The following VIPR2 variants were observed in gnomAD, a reference collection of about 807,000 sequenced individuals.
The protein encoded by VIPR2 is vasoactive intestinal peptide receptor 2.
Under a neutral mutation model 58.0 loss-of-function variants are expected in VIPR2, and 48 were observed. The observed-to-expected ratio is 0.83, with a 90% confidence interval of 0.66 to 1.05. VIPR2 has a LOEUF of 1.05. VIPR2 is among the 50% of genes least tolerant of loss of function. The probability of loss-of-function intolerance (pLI) is 0.00; values close to 1 mark genes in which losing one functional copy is unlikely to be tolerated. For missense variants in VIPR2, 534 were observed against 558.0 expected, an observed-to-expected ratio of 0.96 and a Z score of 0.43; for synonymous variants, 243 against 235.2, an observed-to-expected ratio of 1.03 and a Z score of -0.30.
intron 4 of VIPR2, among the ~76,000 whole-genome samples, chr7:159,063,172 T>C (rs115410048): frequency 0.2 from 29,964 of 151,998 alleles, 3,089 homozygotes; most frequent in African/African-American, 0.25. Context: ...TGGGACCAGG[T>C]GCCGCGGAGC....
chr7:159,109,788 A>G (rs550591070), intron 3 of VIPR2, 24 bp downstream of exon 3: 35 of 1,609,354 alleles, frequency 2.2e-5, no homozygotes, highest in South Asian at 3.3e-5. Context: ...GGAGGAGCTC[A>G]GGAACTCAAC....
At chr7:159,106,174 G>C (rs1246617304) in intron 3 of VIPR2, among the ~76,000 whole-genome samples, 1 of 152,264 alleles carries the variant, frequency 6.6e-6, no homozygotes, top group African/African-American at 2.4e-5. Flanking sequence ...CTCATCCTCT[G>C]CGAGGTGCAG....
intron 3 of VIPR2, among the ~76,000 whole-genome samples, chr7:159,106,528 G>T (rs1858667263): frequency 1.3e-5 from 2 of 149,102 alleles, no homozygotes; most frequent in South Asian, 2.2e-4. Context: ...GGGGCAGAGA[G>T]AGGCCAAGGA....
At chr7:159,134,668 T>C (rs2129497806) in intron 2 of VIPR2, among the ~76,000 whole-genome samples, 1 of 152,254 alleles carries the variant, frequency 6.6e-6, no homozygotes, top group Middle Eastern at 3.4e-3. Context: ...TCTTTCTTTT[T>C]TTTTTTTGAG....
chr7:159,115,973 G>C (rs1796222164), intron 2 of VIPR2, among the ~76,000 whole-genome samples: 1 of 152,236 alleles, frequency 6.6e-6, no homozygotes, highest in African/African-American at 2.4e-5. Flanking sequence ...ATTTGTTTGT[G>C]AACAGCAAGG....
intron 5 of VIPR2, among the ~76,000 whole-genome samples, chr7:159,045,566 A>G (rs974492944): frequency 6.6e-6 from 1 of 152,220 alleles, no homozygotes; most frequent in African/African-American, 2.4e-5. Flanking sequence ...ACAGCATATT[A>G]AAAATTACTC....
Position 159,092,130 on chromosome 7 carries a change from C to T in VIPR2, c.357+11627G>A, listed in dbSNP as rs1181259747. Among the ~76,000 whole-genome samples, 5 of 152,364 alleles carry T rather than the reference C, an allele frequency of 3.3e-5. No individual in the cohort carries two copies. The East Asian group carries it at 7.7e-4, about 24-fold the overall frequency. On this transcript the variant is annotated intron_variant, in intron 4 of 12. Transcript: ENST00000262178. ...CAGGGCTTTCCTGTGAAGACAGAGT[C>T]AGAGGCTGACGTGAGGGCTTCCCAC...
chr7:159,038,249 G>A (rs1353336609), intron 6 of VIPR2, among the ~76,000 whole-genome samples: 1 of 152,154 alleles, frequency 6.6e-6, no homozygotes, highest in African/African-American at 2.4e-5. Flanking sequence ...GACCTCCCCA[G>A]TGCTCTGGAT....
chr7:159,050,983 C>T (rs1433536981), intron 5 of VIPR2, among the ~76,000 whole-genome samples: 1 of 152,100 alleles, frequency 6.6e-6, no homozygotes, highest in Non-Finnish European at 1.5e-5. Context: ...AAATAACTGC[C>T]AACAGAATTC....
At chr7:159,122,690 C>G (rs1289690845) in intron 2 of VIPR2, among the ~76,000 whole-genome samples, 2 of 150,684 alleles carry the variant, frequency 1.3e-5, no homozygotes, top group Admixed American at 1.3e-4. Context: ...AGGTTTCCAT[C>G]TGAGCTCTAA....
Position 159,103,837 on chromosome 7 carries a change from A to G in VIPR2, c.277T>C (p.Cys93Arg), listed in dbSNP as rs780997771. 6.2e-6 allele frequency: 10 copies of G among 1,614,110 alleles called. No homozygotes were observed. The highest frequency in any genetic ancestry group is 1.3e-5 in the African/African-American group (1 of 75,024). Residue 93 changes from cysteine to arginine, a missense_variant, in exon 4 of 13, where the codon TGT becomes CGT. Cys to Arg is a radical substitution (Grantham distance 180). Transcript: ENST00000262178. Reference protein sequence around the residue: ...YSKAGNISKNCTSDGWSETFP... With the variant: ...YSKAGNISKNRTSDGWSETFP... ...GTCTCTGACCATCCGTCACTCGTAC[A>G]GTTTTTGCTTATGTTTCCTGGAAAG...
chr7:159,033,485 T>C (rs1470973723), intron 10 of VIPR2, among the ~76,000 whole-genome samples: 2 of 152,176 alleles, frequency 1.3e-5, no homozygotes, highest in Non-Finnish European at 2.9e-5. Flanking sequence ...TTTTTACCTT[T>C]TTAAAAAAAA....
In VIPR2 at chr7:159,119,523, G is replaced by A. The variant is rs559902836; in HGVS notation, c.152-9604C>T. 6.9e-4 allele frequency among the ~76,000 whole-genome samples: 105 copies of A among 152,324 alleles called. 1 individual carries two copies. Among genetic ancestry groups the A allele is most frequent in the African/African-American group, 2.3e-3 (95 of 41,576 alleles). On this transcript the variant is annotated intron_variant, in intron 2 of 12. Coordinates refer to ENST00000262178, the MANE Select transcript of VIPR2 (RefSeq NM_003382.5). ...TGCTGCACGGGGGAGTGGAGGCAGC[G>A]GTGCGAGGCAGAGGCCGAGGCAAAC...
intron 6 of VIPR2, among the ~76,000 whole-genome samples, chr7:159,037,234 C>A (rs550659999): frequency 1.4e-4 from 21 of 152,388 alleles, no homozygotes; most frequent in Admixed American, 1.2e-3. Context: ...AGCTCCTCCC[C>A]TCGGCTACTC....
In VIPR2 at chr7:159,030,376, A is replaced by C. The variant is rs1853466568; in HGVS notation, c.*240T>G. The C allele has an allele frequency of 4.6e-6, 2 of 435,642 alleles. No individual in the cohort carries two copies. The highest frequency in any genetic ancestry group is 7.9e-6 in the Non-Finnish European group (2 of 253,620). The allele number at this position is 435,642 out of a possible 1,614,324, so 27.0% of individuals were successfully genotyped here. A position where few individuals can be genotyped will look rare whatever the true frequency, so the allele number is the denominator to read the frequency against. On this transcript the variant is annotated 3_prime_UTR_variant, in exon 13 of 13. Coordinates refer to ENST00000262178, the MANE Select transcript of VIPR2 (RefSeq NM_003382.5). Reference sequence around the variant, plus strand: ...AAAAAAAAAAAAAAGTGGATCCACTATACGGCTGAAACACATTTTGCACAA... The same window carrying C: ...AAAAAAAAAAAAAAGTGGATCCACTCTACGGCTGAAACACATTTTGCACAA...
At chr7:159,087,881 A>G (rs1857273121) in intron 4 of VIPR2, among the ~76,000 whole-genome samples, 1 of 152,196 alleles carries the variant, frequency 6.6e-6, no homozygotes, top group African/African-American at 2.4e-5. Flanking sequence ...CAGGACTCGG[A>G]TAGTGAGATA....
intron 4 of VIPR2, among the ~76,000 whole-genome samples, chr7:159,067,709 T>C (rs73730128): frequency 0.031 from 4,655 of 152,090 alleles, 117 homozygotes; most frequent in African/African-American, 0.06. Flanking sequence ...TTCCAGGGAG[T>C]GGCTCGGTCA....
chr7:159,121,491 C>T (rs1360104542), intron 2 of VIPR2, among the ~76,000 whole-genome samples: 1 of 152,332 alleles, frequency 6.6e-6, no homozygotes, highest in Non-Finnish European at 1.5e-5. Context: ...TTTTGACACA[C>T]TGTTACACAT....
intron 5 of VIPR2, among the ~76,000 whole-genome samples, chr7:159,057,710 C>CCTAATTCA (rs1383327842): frequency 6.6e-6 from 1 of 152,170 alleles, no homozygotes; most frequent in Non-Finnish European, 1.5e-5. Context: ...CAGATTTAAT[C>CCTAATTCA]CTAATTCACC....
Sources: gnomAD v4.1 joint callset for allele counts (sites outside exome capture counted in the v4.1 genomes callset) on GRCh38, gnomAD v4.1.1 for gene constraint, MANE v1.5 for transcripts, NCBI Gene and HGNC (gene_info 2026-07-23, HGNC 2026-07-21) for gene names.